SACS: variants seen among roughly 807,000 people sequenced by gnomAD.
SACS encodes the protein sacsin.
A neutral mutation model predicts 348.0 loss-of-function variants in SACS; 197 were observed. The observed-to-expected ratio is 0.57, with a 90% CI of 0.50 to 0.64. The LOEUF is 0.64. Ranked by LOEUF, SACS falls within the 30% of genes least tolerant of loss-of-function variation. The probability of loss-of-function intolerance (pLI) is 0.00; values close to 1 mark genes in which losing one functional copy is unlikely to be tolerated. For synonymous variants in SACS, 1,985 were observed against 1,910.6 expected (o/e 1.04, Z -1.02); for missense variants, 4,999 against 5,360.8 (o/e 0.93, Z 2.11).
At chr13:23,428,183 A>G (rs376944549) in intron 1 of SACS, 4 of 152,262 alleles carry the variant, frequency 2.6e-5, no homozygotes, top group African/African-American at 9.6e-5. Flanking sequence ...TTTTGGTTCA[A>G]CCAAATTCAT....
intron 2 of SACS, among the ~76,000 whole-genome samples, chr13:23,377,285 G>T (rs998375411): frequency 6.6e-6 from 1 of 152,164 alleles, no homozygotes; most frequent in Non-Finnish European, 1.5e-5. Flanking sequence ...TATGGTATGT[G>T]AGTTATACCT....
chr13:23,379,801 CCTAT>C (rs575008437), intron 2 of SACS, among the ~76,000 whole-genome samples: 112 of 152,260 alleles, frequency 7.4e-4, no homozygotes, highest in South Asian at 5.2e-3. Context: ...GTCAAGGAAA[CCTAT>C]CTAAGACATT....
intron 2 of SACS, among the ~76,000 whole-genome samples, chr13:23,401,283 T>C (rs1379822690): frequency 1.3e-5 from 2 of 152,214 alleles, no homozygotes; most frequent in Admixed American, 6.5e-5. Flanking sequence ...CTCTCTGAGA[T>C]AGATGCATAT....
chr13:23,397,092 C>G (rs1337619301), intron 2 of SACS, among the ~76,000 whole-genome samples: 1 of 152,096 alleles, frequency 6.6e-6, no homozygotes, highest in African/African-American at 2.4e-5. Flanking sequence ...TGCTAGCCTT[C>G]TACAGAATGC....
intron 2 of SACS, among the ~76,000 whole-genome samples, chr13:23,386,989 C>T (rs1009233800): frequency 7.9e-5 from 12 of 151,968 alleles, no homozygotes; most frequent in African/African-American, 2.9e-4. Context: ...AATAGTGACA[C>T]CATAGATTAG....
At chr13:23,425,098 A>G (rs1874114864) in intron 1 of SACS, among the ~76,000 whole-genome samples, 1 of 151,778 alleles carries the variant, frequency 6.6e-6, no homozygotes, top group East Asian at 1.9e-4. Context: ...CCATCTGGAC[A>G]CTGGTGTCCA....
intron 1 of SACS, among the ~76,000 whole-genome samples, chr13:23,416,062 C>T (rs1873678757): frequency 6.6e-6 from 1 of 151,758 alleles, no homozygotes; most frequent in Non-Finnish European, 1.5e-5. Flanking sequence ...GTTAGGTCAC[C>T]TGAGGTCAGG....
intron 3 of SACS, 78 bp downstream of exon 3, chr13:23,375,022 CCGCCCGCGGAAACCTGCGT>C: frequency 8.1e-7 from 1 of 1,240,408 alleles, no homozygotes; most frequent in Non-Finnish European, 1.0e-6. Flanking sequence ...GTCATTCGCG[CCGCCCGCGGAAACCTGCGT>C]CGCCCACCCC....
intron 2 of SACS, among the ~76,000 whole-genome samples, chr13:23,391,603 C>T (rs898769019): frequency 1.3e-5 from 2 of 152,194 alleles, no homozygotes; most frequent in African/African-American, 4.8e-5. Flanking sequence ...ATTGCTCCTC[C>T]CCTAGTCCCT....
chr13:23,373,813 A>AAAAAAAAAAG (rs1871558023), intron 3 of SACS: 2 of 152,068 alleles, frequency 1.3e-5, no homozygotes, highest in African/African-American at 4.9e-5. Flanking sequence ...AAAAAAAAAA[A>AAAAAAAAAAG]AAGGAAAAAA....
rs1429981037 is a variant in SACS at position 23,340,852 on chromosome 13, C to A, written c.3024G>T (p.Glu1008Asp). Residue 1008 changes from glutamate (E) to aspartate (D), a missense_variant, in exon 10 of 10, where the codon GAG (glutamate) becomes GAT (aspartate). Transcript: ENST00000382292. ...DIENAFYSHE[E>D]VTQLMLWVLE... Reference sequence around the variant, plus strand: ...GGACCCATAACATAAGCTGTGTTACCTCTTCATGTGAATAAAATGCATTTT... The same window carrying A: ...GGACCCATAACATAAGCTGTGTTACATCTTCATGTGAATAAAATGCATTTT... 1 of 1,606,830 alleles carries A rather than the reference C, an allele frequency of 6.2e-7. No homozygotes were observed. The highest frequency in any genetic ancestry group is 8.5e-7 in the Non-Finnish European group (1 of 1,175,038).
intron 7 of SACS, 146 bp from the exon 8 acceptor site, chr13:23,356,153 TG>T (rs1430134564): frequency 4.3e-6 from 3 of 696,524 alleles, no homozygotes; most frequent in Non-Finnish European, 7.2e-6. Flanking sequence ...CCTTCAGAAA[TG>T]TAATTCTCTG....
At position 23,341,256 on chromosome 13, in the gene SACS, TTGGTAA is replaced by T. The variant is rs771746381; in HGVS notation, c.2614_2619del (p.Leu872_Pro873del). 36 of 1,613,832 alleles carry T rather than the reference TTGGTAA, an allele frequency of 2.2e-5. No individual in the cohort carries two copies. The African/African-American group carries it at 4.3e-4, about 19-fold the overall frequency. On this transcript the variant is annotated inframe_deletion, in exon 10 of 10. Coordinates refer to ENST00000382292, the MANE Select transcript of SACS (RefSeq NM_014363.6). ...TTCTCCATTATCTGCAAAACAGCACTTGGTAATGGTGAATGAATATATTTTTTAATA... is the reference window on the plus strand; with the variant it reads ...TTCTCCATTATCTGCAAAACAGCACTTGGTGAATGAATATATTTTTTAATA...
intron 2 of SACS, among the ~76,000 whole-genome samples, chr13:23,409,936 G>C (rs1873414256): frequency 6.6e-6 from 1 of 152,172 alleles, no homozygotes; most frequent in Non-Finnish European, 1.5e-5. Context: ...TTTATAGTTA[G>C]TGTCAGCGTC....
At chr13:23,406,814 A>G (rs748906087) in intron 2 of SACS, among the ~76,000 whole-genome samples, 2 of 152,334 alleles carry the variant, frequency 1.3e-5, no homozygotes, top group South Asian at 2.1e-4. Context: ...CATTTTGTCA[A>G]TGAAAACAAT....
chr13:23,376,113 A>C (rs1288124212), intron 2 of SACS, among the ~76,000 whole-genome samples: 1 of 152,196 alleles, frequency 6.6e-6, no homozygotes, highest in African/African-American at 2.4e-5. Flanking sequence ...GCCAGCAGCA[A>C]AGTAAGATCA....
In SACS at chr13:23,334,554, G is replaced by A; in HGVS notation, c.9322C>T (p.Pro3108Ser). 2 of 1,613,494 alleles carry A rather than the reference G, an allele frequency of 1.2e-6. No individual in the cohort carries two copies. Among genetic ancestry groups the A allele is most frequent in the East Asian group, 2.2e-5 (1 of 44,860 alleles). Reference sequence around the variant, plus strand: ...TTCCCAATATGGCAATTAGTGTCAGGAGAGGAAAATGTCATTAAAAAAGAT... The same window carrying A: ...TTCCCAATATGGCAATTAGTGTCAGAAGAGGAAAATGTCATTAAAAAAGAT... ...IRSFLMTFSSPDTNCHIGKLP... is the reference protein window; with the variant it reads ...IRSFLMTFSSSDTNCHIGKLP... Residue 3108 changes from proline (P) to serine (S), a missense_variant, in exon 10 of 10, where the codon CCT (proline) becomes TCT (serine). Physicochemically the swap from Pro to Ser is moderately conservative, Grantham distance 74 (BLOSUM62 -1). Coordinates refer to ENST00000382292, the MANE Select transcript of SACS (RefSeq NM_014363.6).
chr13:23,335,282 T>C lies in SACS; in HGVS notation c.8594A>G (p.His2865Arg). 1 of 1,613,876 alleles carries C rather than the reference T, an allele frequency of 6.2e-7. No individual in the cohort carries two copies. Among genetic ancestry groups the C allele is most frequent in the South Asian group, 1.1e-5 (1 of 91,072 alleles). ...ACITHNYKKP[H>R]RAFCFLPLSL... is the part of the protein sequence containing the mutation. ...AAGAGGCAAAAAACAGAAGGCCCTA[T>C]GGGGTTTTTTATAGTTGTGAGTAAT... Residue 2865 changes from histidine (H) to arginine (R), a missense_variant, in exon 10 of 10, where the codon CAT becomes CGT. This residue lies in a region of SACS where 3,156 missense variants were observed against 3,380.1 expected (regional missense o/e 0.93). Transcript: ENST00000382292. This position sits in a 1 kb window ranked among gnomAD's most constrained non-coding sequence, Gnocchi z 4.7.
At position 23,411,253 on chromosome 13, in the gene SACS, G is replaced by C; in HGVS notation, c.-14C>G. 6.2e-7 allele frequency: 1 copy of C among 1,602,512 alleles called. No individual in the cohort carries two copies. Among genetic ancestry groups the C allele is most frequent in the Non-Finnish European group, 8.5e-7 (1 of 1,169,694 alleles). On this transcript the variant is annotated 5_prime_UTR_variant, in exon 2 of 10. Transcript: ENST00000382292. ...CTTGGTCTCCATGATCACTTCTCCT[G>C]GGATATTTGTTTGTGAAAACCATGA... is the stretch of plus-strand genomic sequence containing the variant.
Sources: allele counts gnomAD v4.1 joint callset (sites outside exome capture counted in the v4.1 genomes callset), GRCh38; gene constraint gnomAD v4.1.1; regional missense constraint gnomAD v4.1.1; non-coding constraint Gnocchi (gnomAD v3.1); transcripts MANE v1.5; gene names NCBI Gene and HGNC (gene_info 2026-07-23, HGNC 2026-07-21).